The following RASSF3 variants were observed in gnomAD, a reference collection of about 807,000 sequenced individuals.
RASSF3 encodes Ras association domain family member 3.
RASSF3 carries 19 observed loss-of-function variants against 19.9 expected under a neutral mutation model. The observed-to-expected ratio is 0.96, with a 90% CI of 0.67 to 1.40. RASSF3 has a LOEUF of 1.40. RASSF3 is among the 40% of genes most tolerant of loss of function. The probability of loss-of-function intolerance (pLI) is 0.00; values close to 1 mark genes in which losing one functional copy is unlikely to be tolerated. For synonymous variants in RASSF3, 110 were observed against 104.2 expected, an observed-to-expected ratio of 1.06 and a Z score of -0.34; for missense variants, 306 against 289.8, an observed-to-expected ratio of 1.06 and a Z score of -0.41.
rs74100755 is a variant in RASSF3 at position 64,673,589 on chromosome 12, A to G, written c.112-11198A>G. On this transcript the variant is annotated intron_variant, in intron 1 of 4. Transcript: ENST00000542104. ...AGACCCCACAGAGATCTCCGAGAGG[A>G]CGGCTGCAGCAAGAGTGCTGACTCC... Among the ~76,000 whole-genome samples, 1,005 of 152,144 alleles carry G rather than the reference A, an allele frequency of 6.6e-3. 12 individuals are homozygous for G. The highest frequency in any genetic ancestry group is 0.023 in the African/African-American group (972 of 41,498).
At chr12:64,526,539 TTG>T (rs547723921) in intron 1 of RASSF3, among the ~76,000 whole-genome samples, 7 of 130,320 alleles carry the variant, frequency 5.4e-5, no homozygotes, top group East Asian at 2.5e-4. Flanking sequence ...AAAAAATGAG[TTG>T]TTTTTTTTTT....
intron 2 of RASSF3, chr12:64,575,833 A>C (rs1283605574): frequency 1.3e-5 from 2 of 151,586 alleles, no homozygotes; most frequent in Non-Finnish European, 2.9e-5. Context: ...TAAATATGTC[A>C]ATTGTCCCCA....
intron 1 of RASSF3, among the ~76,000 whole-genome samples, chr12:64,513,296 A>G (rs1868339129): frequency 6.6e-6 from 1 of 151,922 alleles, no homozygotes; most frequent in African/African-American, 2.4e-5. Flanking sequence ...ATACAAACAC[A>G]AAAAGTAGCC....
downstream of RASSF3, among the ~76,000 whole-genome samples, chr12:64,543,834 A>G (rs1274615389): frequency 6.6e-5 from 10 of 151,960 alleles, no homozygotes; most frequent in Admixed American, 6.6e-4. Context: ...CTCTGGGTCT[A>G]GCTCAGGCTT....
intron 2 of RASSF3, among the ~76,000 whole-genome samples, chr12:64,581,701 G>A (rs1359595474): frequency 6.6e-6 from 1 of 151,938 alleles, no homozygotes; most frequent in South Asian, 2.1e-4. Context: ...AAATTTGAGG[G>A]GTTACATATA....
chr12:64,630,437 G>T (rs964045852), intron 1 of RASSF3, among the ~76,000 whole-genome samples: 55 of 152,224 alleles, frequency 3.6e-4, no homozygotes, highest in African/African-American at 1.3e-3. Context: ...GAGGCAAGAG[G>T]TTTGCTTGAG....
intron 1 of RASSF3, among the ~76,000 whole-genome samples, chr12:64,627,992 G>A (rs1332528567): frequency 5.9e-5 from 9 of 152,190 alleles, no homozygotes; most frequent in African/African-American, 2.2e-4. Context: ...AAATGAATTA[G>A]TTTAGAAACA....
At chr12:64,581,034 A>G (rs1869686428) in intron 2 of RASSF3, among the ~76,000 whole-genome samples, 3 of 152,164 alleles carry the variant, frequency 2.0e-5, no homozygotes, top group Admixed American at 2.0e-4. Context: ...ACATTTATAC[A>G]TCATATATAT....
At chr12:64,640,282 A>G (rs895550538) in intron 1 of RASSF3, among the ~76,000 whole-genome samples, 3 of 152,180 alleles carry the variant, frequency 2.0e-5, no homozygotes, top group African/African-American at 2.4e-5. Flanking sequence ...GTTGCCTCCA[A>G]ATTTTCCTGT....
intron 2 of RASSF3, among the ~76,000 whole-genome samples, chr12:64,580,503 G>A (rs1869674643): frequency 6.6e-6 from 1 of 151,412 alleles, no homozygotes; most frequent in African/African-American, 2.4e-5. Context: ...GATCGAGGCT[G>A]CAGTGAGCTA....
At chr12:64,673,374 C>T (rs1304751803) in intron 1 of RASSF3, among the ~76,000 whole-genome samples, 1 of 152,166 alleles carries the variant, frequency 6.6e-6, no homozygotes, top group Non-Finnish European at 1.5e-5. Context: ...TTTCAATTTT[C>T]TTACTATCCA....
At chr12:64,581,991 C>T (rs1869710136) in intron 2 of RASSF3, among the ~76,000 whole-genome samples, 1 of 152,036 alleles carries the variant, frequency 6.6e-6, no homozygotes, top group African/African-American at 2.4e-5. Context: ...ACCTCAGTCT[C>T]CTGAGTAGCT....
At chr12:64,555,960 G>A (rs986111471) in intron 2 of RASSF3, among the ~76,000 whole-genome samples, 2 of 152,154 alleles carry the variant, frequency 1.3e-5, no homozygotes, top group Admixed American at 6.5e-5. Context: ...TGCATAGGTT[G>A]GGTCATCAAA....
chr12:64,617,590 C>T (rs184828125), intron 1 of RASSF3, among the ~76,000 whole-genome samples: 34 of 152,312 alleles, frequency 2.2e-4, no homozygotes, highest in Admixed American at 7.8e-4. Flanking sequence ...CGGAGTCTTG[C>T]TCTGTCACCC....
chr12:64,563,722 T>C (rs1462885603), intron 2 of RASSF3, among the ~76,000 whole-genome samples: 1 of 152,146 alleles, frequency 6.6e-6, no homozygotes, highest in Non-Finnish European at 1.5e-5. Flanking sequence ...CCTGGAATAT[T>C]CTCCCACATC....
At chr12:64,634,258 A>G (rs903078677) in intron 1 of RASSF3, among the ~76,000 whole-genome samples, 1 of 151,012 alleles carries the variant, frequency 6.6e-6, no homozygotes, top group South Asian at 2.1e-4. Context: ...TTTCTTGCAA[A>G]TTGACACAGA....
intron 1 of RASSF3, among the ~76,000 whole-genome samples, chr12:64,619,769 C>T (rs1038396721): frequency 7.2e-5 from 11 of 151,948 alleles, no homozygotes; most frequent in Admixed American, 5.3e-4. Context: ...ATCACGAGGT[C>T]GGGAGTTCAA....
At chr12:64,594,619 T>C (rs1022671778) in intron 2 of RASSF3, among the ~76,000 whole-genome samples, 5 of 152,146 alleles carry the variant, frequency 3.3e-5, no homozygotes, top group African/African-American at 1.2e-4. Context: ...AATCAAAATA[T>C]ACCACTCCAA....
chr12:64,525,863 G>A lies in RASSF3; in HGVS notation c.170-15718G>A, dbSNP rs116060657. On this transcript the variant is annotated intron_variant, in intron 1 of 5. Coordinates refer to the RASSF3 transcript ENST00000637125. ...TGATTCCTCGCTGCTACTGTGATGC[G>A]TGTGAAAGACAGTATTGAAAGAGGC... Among the ~76,000 whole-genome samples the A allele has an allele frequency of 5.2e-3, 793 of 152,202 alleles. 6 individuals carry two copies. The highest frequency in any genetic ancestry group is 0.018 in the African/African-American group (757 of 41,518).
Sources: gnomAD v4.1 joint callset for allele counts (sites outside exome capture counted in the v4.1 genomes callset) on GRCh38, gnomAD v4.1.1 for gene constraint, MANE v1.5 for transcripts, NCBI Gene and HGNC (gene_info 2026-07-23, HGNC 2026-07-21) for gene names.